Variants in CDC14A observed in about 807,000 individuals in gnomAD.
The protein encoded by CDC14A is cell division cycle 14A.
Under a neutral mutation model 74.4 loss-of-function variants are expected in CDC14A, and 53 were observed. That is an observed-to-expected ratio of 0.71 (90% confidence interval 0.57 to 0.89). CDC14A has a LOEUF of 0.89. Among genes scored for constraint, CDC14A ranks in the 40% least tolerant of loss-of-function variants. The probability of loss-of-function intolerance (pLI) is 0.00; values close to 1 mark genes in which losing one functional copy is unlikely to be tolerated. For missense variants in CDC14A, 646 were observed against 713.7 expected, an observed-to-expected ratio of 0.91 and a Z score of 1.08; for synonymous variants, 247 against 258.4, an observed-to-expected ratio of 0.96 and a Z score of 0.43.
At chr1:100,400,723 TTC>T (rs1260058179) in intron 4 of CDC14A, among the ~76,000 whole-genome samples, 9 of 152,234 alleles carry the variant, frequency 5.9e-5, no homozygotes, top group African/African-American at 2.2e-4. Flanking sequence ...AGACTGGACA[TTC>T]TGTTAGCCTT....
chr1:100,429,436 T>G (rs1663371234), intron 5 of CDC14A, among the ~76,000 whole-genome samples: 1 of 150,832 alleles, frequency 6.6e-6, no homozygotes, highest in Admixed American at 6.6e-5. Context: ...ATCCCTTTAG[T>G]TTTTTCCTAA....
At chr1:100,348,434 TTTAA>T (rs1650628085), upstream of CDC14A, among the ~76,000 whole-genome samples, 1 of 152,218 alleles carries the variant, frequency 6.6e-6, no homozygotes, top group Admixed American at 6.5e-5. Flanking sequence ...AATGATAAAA[TTTAA>T]TTCTTTTATG....
upstream of CDC14A, among the ~76,000 whole-genome samples, chr1:100,350,919 C>G (rs1407647375): frequency 6.6e-6 from 1 of 152,062 alleles, no homozygotes; most frequent in Non-Finnish European, 1.5e-5. Context: ...TGAGGCCTGG[C>G]GCGGTGGCTC....
intron 4 of CDC14A, among the ~76,000 whole-genome samples, chr1:100,420,063 C>CACACACACACACACACATATAT: frequency 1.6e-5 from 1 of 61,566 alleles, no homozygotes; most frequent in African/African-American, 4.0e-5. Context: ...CACACACACA[C>CACACACACACACACACATATAT]ATATATATAT....
In CDC14A at chr1:100,468,055, C is replaced by A. The variant is rs534289736; in HGVS notation, c.938C>A (p.Pro313Gln). Residue 313 changes from proline (P) to glutamine (Q), a missense_variant, in exon 10 of 16, where the codon CCA becomes CAA. Coordinates refer to ENST00000336454, the MANE Select transcript of CDC14A (RefSeq NM_003672.4). ...ATTGCTTGGATTAGAATATGCCGGCCAGGCTCTATTATAGGACCCCAGCAG... is the reference window on the plus strand; with the variant it reads ...ATTGCTTGGATTAGAATATGCCGGCAAGGCTCTATTATAGGACCCCAGCAG... ...EIIAWIRICR[P>Q]GSIIGPQQHF... 6.2e-7 allele frequency: 1 copy of A among 1,613,380 alleles called. No homozygotes were observed. Among genetic ancestry groups the A allele is most frequent in the Admixed American group, 1.7e-5 (1 of 59,896 alleles).
intron 3 of CDC14A, among the ~76,000 whole-genome samples, chr1:100,390,097 A>G (rs80350546): frequency 8.2e-4 from 125 of 152,368 alleles, no homozygotes; most frequent in African/African-American, 2.9e-3. Flanking sequence ...TGCCTGGCAT[A>G]TAACAGGTGC....
At chr1:100,397,284 C>A (rs1658641071) in intron 4 of CDC14A, among the ~76,000 whole-genome samples, 1 of 152,114 alleles carries the variant, frequency 6.6e-6, no homozygotes, top group Admixed American at 6.5e-5. Flanking sequence ...ATCTCTTCAC[C>A]CCCTGCATTG....
intron 4 of CDC14A, among the ~76,000 whole-genome samples, chr1:100,391,766 T>C (rs914003722): frequency 6.6e-6 from 1 of 152,184 alleles, no homozygotes; most frequent in South Asian, 2.1e-4. Flanking sequence ...CCCAGCAGTA[T>C]TGCTGGAAAA....
At chr1:100,437,001 C>G (rs1241541738) in intron 5 of CDC14A, among the ~76,000 whole-genome samples, 3 of 152,056 alleles carry the variant, frequency 2.0e-5, no homozygotes, top group Non-Finnish European at 2.9e-5. Context: ...GTCTGGGCAA[C>G]ATGGTGAAAC....
chr1:100,475,877 G>A (rs945164951), intron 10 of CDC14A, among the ~76,000 whole-genome samples: 1 of 152,090 alleles, frequency 6.6e-6, no homozygotes, highest in Non-Finnish European at 1.5e-5. Context: ...GAGTGGGGCC[G>A]AAATTGGGGG....
chr1:100,487,597 A>AAACAC (rs1279826715), intron 11 of CDC14A, among the ~76,000 whole-genome samples: 2 of 133,694 alleles, frequency 1.5e-5, no homozygotes, highest in Admixed American at 1.5e-4. Flanking sequence ...AAACAAAACA[A>AAACAC]AAAACAAAAA....
rs3081871 is a variant in CDC14A at position 100,491,885 on chromosome 1, T to TTTTTTTTTG, written c.1138-2933_1138-2932insTTTTTTTTG. Among the ~76,000 whole-genome samples, 4 of 150,206 alleles carry TTTTTTTTTG rather than the reference T, an allele frequency of 2.7e-5. No individual in the cohort carries two copies. In the South Asian group the frequency reaches 8.5e-4, roughly 32 times the overall value. ...CCGTGCCTAGCCAGATACCTTTTTT[T>TTTTTTTTTG]GAGAAAAAACACCTCTGCCCTCGTG... On this transcript the variant is annotated intron_variant, in intron 11 of 15. Transcript: ENST00000336454.
intron 15 of CDC14A, among the ~76,000 whole-genome samples, chr1:100,501,069 C>T (rs1209351667): frequency 2.0e-5 from 3 of 152,022 alleles, no homozygotes; most frequent in Non-Finnish European, 4.4e-5. Context: ...AATTGCCAGC[C>T]CATCTACCCC....
In CDC14A at chr1:100,462,664, C is replaced by T. The variant is rs368795846; in HGVS notation, c.621C>T (p.His207=). The T allele has an allele frequency of 1.3e-5, 21 of 1,613,830 alleles. No individual in the cohort carries two copies. In the Middle Eastern group the frequency reaches 6.6e-4, roughly 51 times the overall value. ...TTGTTCCTTTAGGTTATCCTCTTCA[C>T]GCCCCTGAAGCCTACTTTCCTTATT... The part of the protein sequence containing the change: ...KSKIENGYPL[H]APEAYFPYFK... The change falls in exon 9 of 16, where the codon CAC becomes CAT. Residue 207 remains histidine, a synonymous_variant. Coordinates refer to ENST00000336454, the MANE Select transcript of CDC14A (RefSeq NM_003672.4).
At chr1:100,472,780 C>G (rs1224839865) in intron 10 of CDC14A, among the ~76,000 whole-genome samples, 5 of 150,816 alleles carry the variant, frequency 3.3e-5, no homozygotes, top group African/African-American at 1.2e-4. Context: ...TTTTTTTTGG[C>G]CTATGCATGC....
intron 5 of CDC14A, among the ~76,000 whole-genome samples, chr1:100,427,796 T>A (rs958249752): frequency 5.3e-5 from 8 of 152,182 alleles, no homozygotes; most frequent in African/African-American, 1.7e-4. Flanking sequence ...CAGTGTATAG[T>A]CTGTATACAT....
chr1:100,502,066 C>T (rs1278094164), intron 15 of CDC14A, among the ~76,000 whole-genome samples: 1 of 151,820 alleles, frequency 6.6e-6, no homozygotes, highest in Non-Finnish European at 1.5e-5. Flanking sequence ...AAAGTTAAAA[C>T]AATTAAGTTT....
chr1:100,398,297 G>A (rs900655380), intron 4 of CDC14A, among the ~76,000 whole-genome samples: 2 of 152,056 alleles, frequency 1.3e-5, no homozygotes, highest in Non-Finnish European at 2.9e-5. Context: ...ACTTTTGTGC[G>A]TAGACCCTTT....
intron 1 of CDC14A, among the ~76,000 whole-genome samples, 157 bp downstream of exon 1, chr1:100,353,160 C>T (rs1195988817): frequency 6.6e-6 from 1 of 152,240 alleles, no homozygotes. Context: ...CCGAGGACCC[C>T]CTGCTTCCGG....
Sources: gnomAD v4.1 joint callset for allele counts (sites outside exome capture counted in the v4.1 genomes callset) on GRCh38, gnomAD v4.1.1 for gene constraint, MANE v1.5 for transcripts, NCBI Gene and HGNC (gene_info 2026-07-23, HGNC 2026-07-21) for gene names.